CLIC2: variants seen among roughly 807,000 people sequenced by gnomAD.
CLIC2 encodes chloride intracellular channel protein 2.
CLIC2 carries 9 observed loss-of-function variants against 14.8 expected under a neutral mutation model. The ratio of observed to expected loss-of-function variants is 0.61; its 90% CI spans 0.37 to 1.06. CLIC2 has a LOEUF of 1.06. Among genes scored for constraint, CLIC2 ranks in the 50% least tolerant of loss-of-function variants. The pLI, the probability that CLIC2 is intolerant of heterozygous loss-of-function variation, is 0.01. For synonymous variants in CLIC2, 61 were observed against 66.3 expected (o/e 0.92, Z 0.39); for missense variants, 148 against 181.4 (o/e 0.82, Z 1.06).
intron 1 of CLIC2, among the ~76,000 whole-genome samples, chrX:155,320,051 A>AG (rs2075108717): frequency 8.9e-6 from 1 of 112,560 alleles, no homozygotes; most frequent in Non-Finnish European, 1.9e-5. Flanking sequence ...GAAAGGCAGC[A>AG]GCCCCAGTCA....
At chrX:155,323,637 T>A (rs1401292928) in intron 1 of CLIC2, among the ~76,000 whole-genome samples, 1 of 111,896 alleles carries the variant, frequency 8.9e-6, no homozygotes, top group Non-Finnish European at 1.9e-5. Context: ...AAGGATGCCC[T>A]CTCTCACCAC....
At position 155,279,159 on chromosome X, in the gene CLIC2, T is replaced by C; in HGVS notation, c.572A>G (p.Asn191Ser). The C allele has an allele frequency of 8.3e-7, 1 of 1,210,632 alleles. No homozygotes were observed. Among genetic ancestry groups the C allele is most frequent in the Non-Finnish European group, 1.1e-6 (1 of 894,714 alleles). Residue 191 changes from asparagine (N) to serine (S), a missense_variant, in exon 5 of 6, where the codon AAC (asparagine) becomes AGC (serine). Physicochemically the swap from Asn to Ser is conservative, Grantham distance 46. Coordinates refer to ENST00000369449, the MANE Select transcript of CLIC2 (RefSeq NM_001289.6). ...CTTATAAAGACTTACTTTAATAATGTTCAGCTTGGGTAACAAGCTACAATC... is the reference window on the plus strand; with the variant it reads ...CTTATAAAGACTTACTTTAATAATGCTCAGCTTGGGTAACAAGCTACAATC... ...LADCSLLPKL[N>S]IIKVAAKKYR...
intron 1 of CLIC2, among the ~76,000 whole-genome samples, chrX:155,326,748 A>G (rs993683826): frequency 8.9e-6 from 1 of 111,826 alleles, no homozygotes; most frequent in Non-Finnish European, 1.9e-5. Flanking sequence ...AGTACTCAGC[A>G]ATAAAAAGGA....
chrX:155,295,210 A>C (rs781815724), intron 3 of CLIC2, among the ~76,000 whole-genome samples: 92 of 111,966 alleles, frequency 8.2e-4, no homozygotes, highest in African/African-American at 2.7e-3. Context: ...AGAATGGTTC[A>C]ACATGTGCAA....
At chrX:155,325,308 C>T (rs782332363) in intron 1 of CLIC2, among the ~76,000 whole-genome samples, 2 of 111,476 alleles carry the variant, frequency 1.8e-5, no homozygotes, top group South Asian at 3.8e-4. Context: ...CACATGCACA[C>T]ATATGTTTAC....
intron 1 of CLIC2, among the ~76,000 whole-genome samples, chrX:155,330,129 C>T (rs1602965427): frequency 9.0e-6 from 1 of 110,863 alleles, no homozygotes; most frequent in South Asian, 3.8e-4. Flanking sequence ...TATTTGCTAG[C>T]ACAATAAGGT....
chrX:155,334,494 T>G lies in CLIC2; in HGVS notation c.-67A>C, dbSNP rs1182058649. On this transcript the variant is annotated 5_prime_UTR_variant, in exon 1 of 6. Transcript: ENST00000369449. Reference sequence around the variant, plus strand: ...GAGTCCACAATACTTGTAGACTCTTTTCTCAATTTTATCCAAAGACTCAAG... The same window carrying G: ...GAGTCCACAATACTTGTAGACTCTTGTCTCAATTTTATCCAAAGACTCAAG... The G allele has an allele frequency of 2.2e-6, 2 of 923,234 alleles. No homozygotes were observed. Among genetic ancestry groups the G allele is most frequent in the African/African-American group, 3.8e-5 (2 of 52,129 alleles). The allele number at this position is 923,234 out of a possible 1,213,427, so 76.1% of individuals were successfully genotyped here. A position where few individuals can be genotyped will look rare whatever the true frequency, so the allele number is the denominator to read the frequency against.
At chrX:155,305,369 C>A (rs948895264) in intron 1 of CLIC2, among the ~76,000 whole-genome samples, 23 of 112,558 alleles carry the variant, frequency 2.0e-4, no homozygotes, top group Non-Finnish European at 3.2e-4. Context: ...TTCTTTGACT[C>A]AGAAAGGGAA....
intron 3 of CLIC2, among the ~76,000 whole-genome samples, chrX:155,283,682 G>T (rs1244912427): frequency 9.2e-6 from 1 of 108,699 alleles, no homozygotes; most frequent in African/African-American, 3.4e-5. Context: ...ATACTTTCTT[G>T]TTTCCTCACA....
intron 1 of CLIC2, among the ~76,000 whole-genome samples, chrX:155,303,046 T>C (rs1406387994): frequency 3.5e-5 from 3 of 86,735 alleles, no homozygotes; most frequent in Non-Finnish European, 4.7e-5. Flanking sequence ...CTGAAAAAAA[T>C]GTATATTCTA....
chrX:155,283,017 G>A (rs1247559112), intron 3 of CLIC2, among the ~76,000 whole-genome samples: 6 of 111,425 alleles, frequency 5.4e-5, no homozygotes, highest in African/African-American at 2.0e-4. Context: ...CCCAGACCAG[G>A]CTCCAACCGA....
intron 3 of CLIC2, among the ~76,000 whole-genome samples, chrX:155,298,437 G>A (rs114909985): frequency 0.029 from 3,229 of 111,148 alleles, 108 homozygotes; most frequent in African/African-American, 0.097. Flanking sequence ...CTGTCATTTC[G>A]TCAGTGGTGT....
chrX:155,293,276 T>C, intron 3 of CLIC2: 1 of 994,826 alleles, frequency 1.0e-6, no homozygotes, highest in East Asian at 3.0e-5. Context: ...CGTTCTGTAC[T>C]GTCCAACTCA....
intron 1 of CLIC2, among the ~76,000 whole-genome samples, chrX:155,305,822 G>A (rs782513160): frequency 8.9e-6 from 1 of 111,912 alleles, no homozygotes; most frequent in South Asian, 3.7e-4. Context: ...AAATTTACAT[G>A]AGATCTACCA....
At chrX:155,279,027 CATG>C in intron 5 of CLIC2, 119 bp downstream of exon 5, 19 of 574,626 alleles carry the variant, frequency 3.3e-5, no homozygotes, top group South Asian at 4.8e-5. Context: ...ATATAGTACA[CATG>C]ATGATGATGA....
chrX:155,312,794 A>G (rs1177566677), intron 1 of CLIC2, among the ~76,000 whole-genome samples: 2 of 111,827 alleles, frequency 1.8e-5, no homozygotes, highest in African/African-American at 6.5e-5. Context: ...TTTCCTATCC[A>G]TGAACATGGA....
At chrX:155,294,162 A>G (rs182853484) in intron 3 of CLIC2, among the ~76,000 whole-genome samples, 1 of 112,120 alleles carries the variant, frequency 8.9e-6, no homozygotes, top group African/African-American at 3.2e-5. Context: ...AGGCCACAAA[A>G]TGTCTCAATA....
intron 3 of CLIC2, chrX:155,292,545 C>A (rs1306095867): frequency 4.5e-6 from 2 of 445,983 alleles, no homozygotes; most frequent in Non-Finnish European, 8.0e-6. Context: ...CCGAGGTGGG[C>A]AGATCACGAG....
intron 3 of CLIC2, among the ~76,000 whole-genome samples, chrX:155,282,252 C>A (rs374833158): frequency 9.0e-6 from 1 of 111,700 alleles, no homozygotes; most frequent in East Asian, 2.8e-4. Flanking sequence ...TTTCTCTGGA[C>A]GCTCAATTGT....
Sources: allele counts gnomAD v4.1 joint callset (sites outside exome capture counted in the v4.1 genomes callset), GRCh38; gene constraint gnomAD v4.1.1; transcripts MANE v1.5; gene names NCBI Gene and HGNC (gene_info 2026-07-23, HGNC 2026-07-21).